Variants in CADPS observed in about 807,000 individuals in gnomAD.
The protein encoded by CADPS is calcium dependent secretion activator, also known as calcium-dependent secretion activator 1.
Under a neutral mutation model 167.3 loss-of-function variants are expected in CADPS, and 57 were observed. The ratio of observed to expected loss-of-function variants is 0.34; its 90% CI spans 0.28 to 0.42. The LOEUF is 0.42. CADPS is among the 20% of genes least tolerant of loss of function. CADPS has a pLI of 1.00. For synonymous variants in CADPS, 676 were observed against 635.3 expected, an observed-to-expected ratio of 1.06 and a Z score of -0.96; for missense variants, 1,414 against 1,738.1, an observed-to-expected ratio of 0.81 and a Z score of 3.32.
At chr3:62,413,487 C>T (rs1488444474) in intron 28 of CADPS, among the ~76,000 whole-genome samples, 1 of 152,058 alleles carries the variant, frequency 6.6e-6, no homozygotes, top group East Asian at 1.9e-4. Context: ...ATAGATAACC[C>T]TTGAAGATAT....
At position 62,420,113 on chromosome 3, in the gene CADPS, G is replaced by T. The variant is rs1359788608; in HGVS notation, c.3778-16928C>A. On this transcript the variant is annotated intron_variant, in intron 28 of 29. Coordinates refer to ENST00000383710, the MANE Select transcript of CADPS (RefSeq NM_003716.4). This position sits in a 1 kb window ranked among gnomAD's most constrained non-coding sequence, Gnocchi z 4.1. ...GGCTATTACATGGAAAAAAATTCAG[G>T]TGAATAGGTAAATGGAATGCTTTAC... Among the ~76,000 whole-genome samples the T allele has an allele frequency of 6.6e-6, 1 of 152,116 alleles. No homozygotes were observed. Among genetic ancestry groups the T allele is most frequent in the Non-Finnish European group, 1.5e-5 (1 of 68,026 alleles).
intron 3 of CADPS, among the ~76,000 whole-genome samples, chr3:62,725,936 C>T (rs1045789835): frequency 1.2e-4 from 18 of 151,652 alleles, no homozygotes; most frequent in Non-Finnish European, 1.5e-5. Context: ...AGCAGTTTGC[C>T]CAAGGTCACA....
chr3:62,621,031 G>A (rs1020335900), intron 6 of CADPS, among the ~76,000 whole-genome samples: 4 of 152,128 alleles, frequency 2.6e-5, no homozygotes, highest in African/African-American at 9.7e-5. Context: ...GGTTGGACAG[G>A]ACAAACTCAA....
intron 28 of CADPS, among the ~76,000 whole-genome samples, chr3:62,430,840 A>G (rs1381534929): frequency 1.3e-5 from 2 of 151,970 alleles, no homozygotes. Flanking sequence ...ATGACACTCT[A>G]CAGCTGTAAT....
intron 1 of CADPS, 52 bp from the exon 2 acceptor site, chr3:62,766,036 T>C: frequency 7.6e-7 from 1 of 1,309,460 alleles, no homozygotes; most frequent in Non-Finnish European, 1.1e-6. Context: ...TAGACAAGGA[T>C]CATGGATACT....
chr3:62,850,084 T>C (rs1307583071), intron 1 of CADPS, among the ~76,000 whole-genome samples: 12 of 106,560 alleles, frequency 1.1e-4, no homozygotes, highest in South Asian at 3.9e-4. Flanking sequence ...TGTAGTATTC[T>C]CTGATGGTAG....
chr3:62,747,133 C>T (rs371551751), intron 3 of CADPS, among the ~76,000 whole-genome samples: 53 of 152,304 alleles, frequency 3.5e-4, no homozygotes, highest in Middle Eastern at 3.4e-3. Context: ...AAAGTAGATG[C>T]TAAAATCTGT....
chr3:62,828,694 A>G (rs999800295), intron 1 of CADPS, among the ~76,000 whole-genome samples: 15 of 152,194 alleles, frequency 9.9e-5, no homozygotes, highest in Non-Finnish European at 2.2e-4. Context: ...TTATTTAAAT[A>G]TGCTTTTAAT....
At chr3:62,784,897 A>C (rs1388710136) in intron 1 of CADPS, among the ~76,000 whole-genome samples, 3 of 152,202 alleles carry the variant, frequency 2.0e-5, no homozygotes, top group African/African-American at 7.2e-5. Context: ...TGAGATCTTT[A>C]AGGAAGTTGT....
intron 6 of CADPS, among the ~76,000 whole-genome samples, chr3:62,630,867 T>C (rs1488241412): frequency 6.6e-6 from 1 of 152,166 alleles, no homozygotes; most frequent in African/African-American, 2.4e-5. Context: ...ACTTGTGGTT[T>C]CAGTCACCCT....
intron 26 of CADPS, among the ~76,000 whole-genome samples, chr3:62,463,855 G>A (rs185796457): frequency 1.3e-5 from 2 of 152,222 alleles, no homozygotes; most frequent in East Asian, 1.9e-4. Flanking sequence ...AGGGGCCATC[G>A]CACCTCTGGG....
intron 1 of CADPS, among the ~76,000 whole-genome samples, chr3:62,825,241 T>C (rs1465406242): frequency 6.6e-6 from 1 of 152,126 alleles, no homozygotes; most frequent in Non-Finnish European, 1.5e-5. Context: ...GGAGGGGAAC[T>C]AGCTTCCCTT....
intron 1 of CADPS, among the ~76,000 whole-genome samples, chr3:62,817,597 A>G (rs1274802548): frequency 6.6e-6 from 1 of 152,152 alleles, no homozygotes; most frequent in African/African-American, 2.4e-5. Context: ...CCAAATCTGG[A>G]GTTTCCTTTA....
chr3:62,595,485 C>T (rs2058779006), intron 6 of CADPS, among the ~76,000 whole-genome samples: 1 of 152,154 alleles, frequency 6.6e-6, no homozygotes, highest in Admixed American at 6.5e-5. Context: ...ATTTCCTCAG[C>T]TATAAAATAA....
Position 62,627,778 on chromosome 3 carries a change from C to T in CADPS, c.1325+17944G>A, listed in dbSNP as rs58585558. ...ATGCTCGCTCGAGTCTGCCTTTGTT[C>T]CCCTCCCTCCCTCATCTGGATTGTG... is the stretch of plus-strand genomic sequence containing the variant. On this transcript the variant is annotated intron_variant, in intron 6 of 29. Coordinates refer to ENST00000383710, the MANE Select transcript of CADPS (RefSeq NM_003716.4). Among the ~76,000 whole-genome samples the T allele has an allele frequency of 8.5e-5, 13 of 152,140 alleles. No homozygotes were observed. The South Asian group carries it at 1.2e-3, about 15-fold the overall frequency.
chr3:62,707,210 C>T lies in CADPS; in HGVS notation c.889-44816G>A, dbSNP rs546925021. 1.9e-3 allele frequency among the ~76,000 whole-genome samples: 289 copies of T among 152,156 alleles called. 2 individuals carry two copies. The highest frequency in any genetic ancestry group is 3.1e-3 in the Non-Finnish European group (209 of 68,010). ...TGGTGACATTACATTCTTATAGGAGCGCGAACCCTATTGTGAACTGCACAT... is the reference window on the plus strand; with the variant it reads ...TGGTGACATTACATTCTTATAGGAGTGCGAACCCTATTGTGAACTGCACAT... On this transcript the variant is annotated intron_variant, in intron 3 of 29. Coordinates refer to ENST00000383710, the MANE Select transcript of CADPS (RefSeq NM_003716.4).
At chr3:62,573,142 AAAGTGCTGGG>A (rs1233420294) in intron 8 of CADPS, among the ~76,000 whole-genome samples, 8 of 152,186 alleles carry the variant, frequency 5.3e-5, no homozygotes, top group Non-Finnish European at 1.2e-4. Context: ...TCGGCCTCCC[AAAGTGCTGGG>A]CTTACAGGCG....
rs75671855 is a variant in CADPS at position 62,810,412 on chromosome 3, C to A, written c.442-44428G>T. Among the ~76,000 whole-genome samples, 1,504 of 151,528 alleles carry A rather than the reference C, an allele frequency of 9.9e-3. 13 individuals are homozygous for A. Among genetic ancestry groups the A allele is most frequent in the Non-Finnish European group, 0.015 (990 of 67,978 alleles). On this transcript the variant is annotated intron_variant, in intron 1 of 29. Coordinates refer to ENST00000383710, the MANE Select transcript of CADPS (RefSeq NM_003716.4). ...CATATATTATTATTATTAATATAAT[C>A]ATCATCATCATTCATGAGTATCAAT...
intron 28 of CADPS, among the ~76,000 whole-genome samples, chr3:62,423,474 T>C (rs182618478): frequency 1.3e-5 from 2 of 152,216 alleles, no homozygotes; most frequent in Non-Finnish European, 2.9e-5. Flanking sequence ...TTGGGACACA[T>C]AGCACTCAGT....
Sources: gnomAD v4.1 joint callset for allele counts (sites outside exome capture counted in the v4.1 genomes callset) on GRCh38, gnomAD v4.1.1 for gene constraint, Gnocchi (gnomAD v3.1) non-coding constraint, MANE v1.5 for transcripts, NCBI Gene and HGNC (gene_info 2026-07-23, HGNC 2026-07-21) for gene names.